Variants in ZNF445 observed in about 807,000 individuals in gnomAD.
ZNF445 encodes zinc finger protein 168.
ZNF445 carries 19 observed loss-of-function variants against 93.9 expected under a neutral mutation model. That is an observed-to-expected ratio of 0.20 (90% CI 0.14 to 0.30). The LOEUF (loss-of-function observed/expected upper bound fraction) is 0.30, where lower values mean the gene tolerates loss of function less well. Among genes scored for constraint, ZNF445 ranks in the 10% least tolerant of loss-of-function variants. ZNF445 has a pLI of 1.00. For missense variants in ZNF445, 1,058 were observed against 1,259.4 expected (o/e 0.84, Z 2.42); for synonymous variants, 449 against 446.3 (o/e 1.01, Z -0.08).
chr3:44,470,705 A>C (rs957390969), intron 1 of ZNF445, among the ~76,000 whole-genome samples: 9 of 152,194 alleles, frequency 5.9e-5, no homozygotes, highest in African/African-American at 2.2e-4. Flanking sequence ...CTCCTTCCTT[A>C]TTTGCCTATG....
rs1241761747 is a variant in ZNF445, at chr3:44,441,643, T to C, written c.*4932A>G. 6.6e-6 allele frequency: 1 copy of C among 152,238 alleles called. No homozygotes were observed. Among genetic ancestry groups the C allele is most frequent in the Non-Finnish European group, 1.5e-5 (1 of 68,040 alleles). 9.4% of individuals were successfully genotyped at this position (152,238 alleles called of 1,614,324 possible). ...TAAAGTCATAAGATGTCAGAGACTA[T>C]GCTTAAGAAATATTTTTACTTTGAA... On this transcript the variant is annotated 3_prime_UTR_variant, in exon 8 of 8. Coordinates refer to ENST00000396077, the MANE Select transcript of ZNF445 (RefSeq NM_181489.6).
intron 1 of ZNF445, among the ~76,000 whole-genome samples, chr3:44,462,530 G>C (rs1159599863): frequency 6.6e-6 from 1 of 152,136 alleles, no homozygotes; most frequent in Non-Finnish European, 1.5e-5. Context: ...TCTATTCTTG[G>C]CTTCCAGAAT....
intron 5 of ZNF445, 43 bp from the exon 6 acceptor site, chr3:44,450,616 C>CT: frequency 6.3e-7 from 1 of 1,597,068 alleles, no homozygotes; most frequent in Non-Finnish European, 8.5e-7. Flanking sequence ...CAGCTCCCAG[C>CT]TTTGAGGTGG....
At position 44,447,420 on chromosome 3, in the gene ZNF445, C is replaced by T; in HGVS notation, c.2251G>A (p.Val751Ile). 1 of 1,614,146 alleles carries T rather than the reference C, an allele frequency of 6.2e-7. No individual in the cohort carries two copies. Among genetic ancestry groups the T allele is most frequent in the South Asian group, 1.1e-5 (1 of 91,082 alleles). The change falls in exon 8 of 8, where the codon GTT (valine) becomes ATT (isoleucine). Residue 751 changes from valine to isoleucine, a missense_variant. This residue lies in a region of ZNF445 where 387 missense variants were observed against 475.7 expected (regional missense o/e 0.81). Coordinates refer to ENST00000396077, the MANE Select transcript of ZNF445 (RefSeq NM_181489.6). The surrounding 1 kb of genome is among the most constrained non-coding windows in gnomAD (Gnocchi z 4.7). ...PSFSQDTVFQ[V>I]PQSSHSKEEP... ...TCTTTGGAGTGACTGCTCTGAGGAA[C>T]CTGGAACACTGTGTCCTGACTAAAA...
intron 3 of ZNF445, among the ~76,000 whole-genome samples, chr3:44,453,409 C>G (rs756739495): frequency 6.6e-6 from 1 of 151,976 alleles, no homozygotes; most frequent in Non-Finnish European, 1.5e-5. Flanking sequence ...ATTCTCCTGC[C>G]TCAGCCTCCT....
At chr3:44,462,222 T>C (rs1250090374) in intron 1 of ZNF445, among the ~76,000 whole-genome samples, 3 of 152,230 alleles carry the variant, frequency 2.0e-5, no homozygotes, top group Non-Finnish European at 4.4e-5. Context: ...GCTGGACAGT[T>C]ACTTTGCTAC....
rs1575309862 is a variant in ZNF445 at position 44,451,600 on chromosome 3, C to A, written c.430-118G>T. 1.3e-5 allele frequency: 14 copies of A among 1,111,770 alleles called. No homozygotes were observed. The East Asian group carries it at 3.5e-4, about 28-fold the overall frequency. The allele number at this position is 1,111,770 out of a possible 1,614,324, so 68.9% of individuals were successfully genotyped here. A position where few individuals can be genotyped will look rare whatever the true frequency, so the allele number is the denominator to read the frequency against. On this transcript the variant is annotated intron_variant, in intron 3 of 7. Coordinates refer to ENST00000396077, the MANE Select transcript of ZNF445 (RefSeq NM_181489.6). Reference sequence around the variant, plus strand: ...GGCCGAGGGATAGGTAAGCCAGGTCCTTTATTACTTCCAGGCAGGAGGAAA... The same window carrying A: ...GGCCGAGGGATAGGTAAGCCAGGTCATTTATTACTTCCAGGCAGGAGGAAA...
In ZNF445 at chr3:44,436,562, A is replaced by C. The variant is rs1051813799; in HGVS notation, c.*10013T>G. The C allele has an allele frequency of 6.6e-6, 1 of 152,186 alleles. No individual in the cohort carries two copies. Among genetic ancestry groups the C allele is most frequent in the Admixed American group, 6.5e-5 (1 of 15,282 alleles). 9.4% of individuals were successfully genotyped at this position (152,186 alleles called of 1,614,324 possible). ...ATACTCAAGCATTTTTATCTCCTTA[A>C]GCATTTACATATCTTCCTCTACAGT... On this transcript the variant is annotated 3_prime_UTR_variant, in exon 8 of 8. Coordinates refer to ENST00000396077, the MANE Select transcript of ZNF445 (RefSeq NM_181489.6).
chr3:44,441,915 G>C lies in ZNF445; in HGVS notation c.*4660C>G, dbSNP rs1268505634. 1 of 152,082 alleles carries C rather than the reference G, an allele frequency of 6.6e-6. No individual in the cohort carries two copies. 9.4% of individuals were successfully genotyped at this position (152,082 alleles called of 1,614,324 possible). ...GAATCCACAGAAAATAGATTACTGT[G>C]CAAAACAATAACACTTTCTATATGT... is the stretch of plus-strand genomic sequence containing the variant. On this transcript the variant is annotated 3_prime_UTR_variant, in exon 8 of 8. Transcript: ENST00000396077.
At chr3:44,455,809 CAGTATCAAGTAGACCAGAGCTAGG>C in intron 2 of ZNF445, 113 bp from the exon 3 acceptor site, 1 of 410,648 alleles carries the variant, frequency 2.4e-6, no homozygotes, top group Non-Finnish European at 4.3e-6. Flanking sequence ...AGGTATATGC[CAGTATCAAGTAGACCAGAGCTAGG>C]CTGTCCCCTA....
Position 44,446,782 on chromosome 3 carries a change from G to A in ZNF445, c.2889C>T (p.Ser963=). Residue 963 remains serine (S), a synonymous_variant, in exon 8 of 8, where the codon TCC becomes TCT. Coordinates refer to ENST00000396077, the MANE Select transcript of ZNF445 (RefSeq NM_181489.6). This position sits in a 1 kb window ranked among gnomAD's most constrained non-coding sequence, Gnocchi z 4.2. ...EDCKEACSQS[S]RLTGLQDISI... ...TTATGTCCTGGAGTCCAGTGAGCCTGGAGCTCTGGCTGCAAGCTTCTTTGC... is the reference window on the plus strand; with the variant it reads ...TTATGTCCTGGAGTCCAGTGAGCCTAGAGCTCTGGCTGCAAGCTTCTTTGC... 1 of 1,614,202 alleles carries A rather than the reference G, an allele frequency of 6.2e-7. No individual in the cohort carries two copies. Among genetic ancestry groups the A allele is most frequent in the Non-Finnish European group, 8.5e-7 (1 of 1,180,042 alleles).
intron 1 of ZNF445, among the ~76,000 whole-genome samples, chr3:44,476,925 A>G (rs910527782): frequency 6.6e-6 from 1 of 152,208 alleles, no homozygotes; most frequent in African/African-American, 2.4e-5. Flanking sequence ...AAAATGTTTT[A>G]GTGGTGTCAT....
Position 44,446,285 on chromosome 3 carries a change from G to A in ZNF445, c.*290C>T. 4.8e-6 allele frequency: 2 copies of A among 418,638 alleles called. No homozygotes were observed. Among genetic ancestry groups the A allele is most frequent in the South Asian group, 5.5e-5 (2 of 36,512 alleles). 25.9% of individuals were successfully genotyped at this position (418,638 alleles called of 1,614,324 possible). ...GGCAGTGGTCTCTCTCTTCAGAGTT[G>A]TGGAAGGAGACCTGAATAGGGGAGC... is the stretch of plus-strand genomic sequence containing the variant. On this transcript the variant is annotated 3_prime_UTR_variant, in exon 8 of 8. Transcript: ENST00000396077. The surrounding 1 kb of genome is among the most constrained non-coding windows in gnomAD (Gnocchi z 4.2).
At position 44,446,870 on chromosome 3, in the gene ZNF445, G is replaced by T. The variant is rs963866982; in HGVS notation, c.2801C>A (p.Ser934Tyr). Reference sequence around the variant, plus strand: ...CTGTAATCTCAACTTTGTGTCCTGAGAGGAAGACCGTGCAGGCGGGCTACG... The same window carrying T: ...CTGTAATCTCAACTTTGTGTCCTGATAGGAAGACCGTGCAGGCGGGCTACG... ...AERSPPARSS[S>Y]QDTKLRLQKL... is the part of the protein sequence containing the mutation. Residue 934 changes from serine (S) to tyrosine (Y), a missense_variant, in exon 8 of 8, where the codon TCT becomes TAT. Physicochemically the swap from Ser to Tyr is moderately radical, Grantham distance 144. This residue lies in a region of ZNF445 where 387 missense variants were observed against 475.7 expected (regional missense o/e 0.81). Transcript: ENST00000396077. This position sits in a 1 kb window ranked among gnomAD's most constrained non-coding sequence, Gnocchi z 4.2. 1 of 1,614,044 alleles carries T rather than the reference G, an allele frequency of 6.2e-7. No individual in the cohort carries two copies. Among genetic ancestry groups the T allele is most frequent in the African/African-American group, 1.3e-5 (1 of 74,920 alleles).
At chr3:44,468,775 C>T (rs1698227369) in intron 1 of ZNF445, among the ~76,000 whole-genome samples, 1 of 151,914 alleles carries the variant, frequency 6.6e-6, no homozygotes, top group Non-Finnish European at 1.5e-5. Context: ...CTGGCTTCCC[C>T]CAACCCACCA....
chr3:44,467,406 T>C (rs947292809), intron 1 of ZNF445, among the ~76,000 whole-genome samples: 4 of 152,210 alleles, frequency 2.6e-5, no homozygotes, highest in South Asian at 2.1e-4. Context: ...AGTTGACTTA[T>C]AGAGCCAATT....
rs1478880347 is a variant in ZNF445, at chr3:44,447,174, T to C, written c.2497A>G (p.Ile833Val). ...CAAAAACGTTTCTCACCAGTGAGGA[T>C]TTTTGGCTCCACATTTGGAGTCTTT... is the stretch of plus-strand genomic sequence containing the variant. ...SEKTPNVEPK[I>V]LTGEKRFWCQ... The change falls in exon 8 of 8, where the codon ATC becomes GTC. Residue 833 changes from isoleucine (I) to valine (V), a missense_variant. Physicochemically the swap from Ile to Val is conservative, Grantham distance 29 (BLOSUM62 3). Transcript: ENST00000396077. The surrounding 1 kb of genome is among the most constrained non-coding windows in gnomAD (Gnocchi z 4.7). The C allele has an allele frequency of 1.9e-6, 3 of 1,614,070 alleles. No homozygotes were observed. The highest frequency in any genetic ancestry group is 8.5e-7 in the Non-Finnish European group (1 of 1,180,046).
In ZNF445 at chr3:44,443,586, C is replaced by G. The variant is rs1428903114; in HGVS notation, c.*2989G>C. ...CCTGGCTAACACAGTGAAACCCCGT[C>G]TCTACTAAAAATATAAAAAATAACC... On this transcript the variant is annotated 3_prime_UTR_variant, in exon 8 of 8. Coordinates refer to ENST00000396077, the MANE Select transcript of ZNF445 (RefSeq NM_181489.6). 1 of 151,834 alleles carries G rather than the reference C, an allele frequency of 6.6e-6. No homozygotes were observed. Among genetic ancestry groups the G allele is most frequent in the Admixed American group, 6.6e-5 (1 of 15,218 alleles). The allele number at this position is 151,834 out of a possible 1,614,324, so 9.4% of individuals were successfully genotyped here.
chr3:44,476,389 A>G (rs1399562804), intron 1 of ZNF445, among the ~76,000 whole-genome samples: 1 of 151,962 alleles, frequency 6.6e-6, no homozygotes, highest in Non-Finnish European at 1.5e-5. Flanking sequence ...TTTCTAACCA[A>G]AATGTGTCTG....
Sources: allele counts gnomAD v4.1 joint callset (sites outside exome capture counted in the v4.1 genomes callset), GRCh38; gene constraint gnomAD v4.1.1; regional missense constraint gnomAD v4.1.1; non-coding constraint Gnocchi (gnomAD v3.1); transcripts MANE v1.5; gene names NCBI Gene and HGNC (gene_info 2026-07-23, HGNC 2026-07-21).